The following GPSM1 variants were observed in gnomAD, a reference collection of about 807,000 sequenced individuals.
GPSM1 encodes the protein G protein signaling modulator 1, also known as G protein-signaling modulator 1.
A neutral mutation model predicts 70.5 loss-of-function variants in GPSM1; 48 were observed. That is an observed-to-expected ratio of 0.68 (90% CI 0.54 to 0.87). The LOEUF is 0.87. Among genes scored for constraint, GPSM1 ranks in the 40% least tolerant of loss-of-function variants. The pLI is 0.00. For missense variants in GPSM1, 981 were observed against 972.6 expected, an observed-to-expected ratio of 1.01 and a Z score of -0.11; for synonymous variants, 416 against 430.1, an observed-to-expected ratio of 0.97 and a Z score of 0.41.
Position 136,334,510 on chromosome 9 carries a change from C to T in GPSM1, c.132C>T (p.Phe44=). 1.9e-6 allele frequency: 3 copies of T among 1,613,348 alleles called. No individual in the cohort carries two copies. Among genetic ancestry groups the T allele is most frequent in the Non-Finnish European group, 2.5e-6 (3 of 1,179,966 alleles). The part of the protein sequence containing the change: ...EGERLCKAGD[F]KTGVAFFEAA... ...AGCGTCTGTGCAAGGCGGGCGACTT[C>T]AAGACAGGCGTGGCCTTCTTTGAGG... Residue 44 remains phenylalanine (F), a synonymous_variant, in exon 2 of 14, where the codon TTC becomes TTT. Coordinates refer to ENST00000440944, the MANE Select transcript of GPSM1 (RefSeq NM_001145638.3).
chr9:136,357,628 T>C (rs998106036), intron 13 of GPSM1, among the ~76,000 whole-genome samples: 23 of 152,200 alleles, frequency 1.5e-4, no homozygotes, highest in African/African-American at 5.1e-4. Flanking sequence ...GCTGTGCTGG[T>C]TTCCAGGGCT....
intron 11 of GPSM1, chr9:136,354,960 G>C: frequency 1.9e-6 from 2 of 1,045,368 alleles, no homozygotes; most frequent in Non-Finnish European, 2.3e-6. Context: ...GACGGACAGA[G>C]GCCTGGACTG....
At chr9:136,351,190 G>A (rs540710755) in intron 11 of GPSM1, among the ~76,000 whole-genome samples, 1 of 152,330 alleles carries the variant, frequency 6.6e-6, no homozygotes, top group South Asian at 2.1e-4. Context: ...GCAGGGCACA[G>A]CCTACCTTCC....
chr9:136,354,629 C>T (rs1554772665), intron 11 of GPSM1, among the ~76,000 whole-genome samples: 1 of 152,214 alleles, frequency 6.6e-6, no homozygotes, highest in African/African-American at 2.4e-5. Context: ...ACCCTTCAGC[C>T]CTGGGGCCCG....
chr9:136,335,315 C>T (rs1277928855), intron 2 of GPSM1, among the ~76,000 whole-genome samples: 5 of 152,156 alleles, frequency 3.3e-5, no homozygotes, highest in Non-Finnish European at 7.4e-5. Context: ...GCGTCATCCA[C>T]TCCCCAGTCT....
At chr9:136,328,918 C>A (rs150066540) in intron 1 of GPSM1, among the ~76,000 whole-genome samples, 1 of 152,134 alleles carries the variant, frequency 6.6e-6, no homozygotes, top group Admixed American at 6.5e-5. Context: ...TGCTCCAGGG[C>A]GGCCGTGCTG....
Position 136,358,226 on chromosome 9 carries a change from T to C in GPSM1, c.*6T>C, listed in dbSNP as rs1554773650. 6.5e-7 allele frequency: 1 copy of C among 1,539,538 alleles called. No homozygotes were observed. On this transcript the variant is annotated 3_prime_UTR_variant, in exon 14 of 14. Transcript: ENST00000440944. Reference sequence around the variant, plus strand: ...GCCAGCCTGGTGCGAGCTAAGGCCCTGTGCCCACCGCCAGGCCCACCCTGC... The same window carrying C: ...GCCAGCCTGGTGCGAGCTAAGGCCCCGTGCCCACCGCCAGGCCCACCCTGC...
At chr9:136,339,503 G>C (rs1832333736) in intron 7 of GPSM1, among the ~76,000 whole-genome samples, 2 of 152,254 alleles carry the variant, frequency 1.3e-5, no homozygotes, top group African/African-American at 4.8e-5. Context: ...AGCTGATTGG[G>C]GCTTATGCTT....
In GPSM1 at chr9:136,355,865, C is replaced by T. The variant is rs762661240; in HGVS notation, c.1612+19C>T. On this transcript the variant is annotated intron_variant, in intron 12 of 13. Coordinates refer to ENST00000440944, the MANE Select transcript of GPSM1 (RefSeq NM_001145638.3). ...AGGATCGGTGAGTGCCCCCCTCAGC[C>T]GGGCCCTCCCTTGGGCTTGTCTGCA... 22 of 1,589,652 alleles carry T rather than the reference C, an allele frequency of 1.4e-5. No homozygotes were observed. In the East Asian group the frequency reaches 2.7e-4, roughly 19 times the overall value.
intron 9 of GPSM1, among the ~76,000 whole-genome samples, chr9:136,345,653 A>G (rs1276939000): frequency 2.6e-5 from 4 of 152,002 alleles, no homozygotes; most frequent in Admixed American, 1.3e-4. Context: ...TTAGGCCCCC[A>G]TGGCACTGGG....
At chr9:136,333,164 C>T (rs1212313526) in intron 1 of GPSM1, among the ~76,000 whole-genome samples, 1 of 152,232 alleles carries the variant, frequency 6.6e-6, no homozygotes, top group Non-Finnish European at 1.5e-5. Context: ...GCTGTGCCTG[C>T]CACCTCCTGG....
At chr9:136,347,312 G>A (rs1277673272) in intron 9 of GPSM1, among the ~76,000 whole-genome samples, 2 of 152,142 alleles carry the variant, frequency 1.3e-5, no homozygotes, top group South Asian at 2.1e-4. Context: ...TTCTGGCCCC[G>A]CCCTCGGACT....
Position 136,340,937 on chromosome 9 carries a change from G to T in GPSM1, c.1151G>T (p.Arg384Leu), listed in dbSNP as rs782484426. Residue 384 changes from arginine (R) to leucine (L), a missense_variant, in exon 9 of 14, where the codon CGC (arginine) becomes CTC (leucine). By Grantham distance (102) the Arg-to-Leu change is moderately radical. Transcript: ENST00000440944. This position sits in a 1 kb window ranked among gnomAD's most constrained non-coding sequence, Gnocchi z 7.3. ...GCGCAGCTGCAGCTGGTGCTCGGCC[G>T]CCTGACCAGCCCGGCAGCCTCAGAG... Reference protein sequence around the residue: ...NVAQLQLVLGRLTSPAASEKP... With the variant: ...NVAQLQLVLGLLTSPAASEKP... The T allele has an allele frequency of 6.4e-7, 1 of 1,565,726 alleles. No individual in the cohort carries two copies. The highest frequency in any genetic ancestry group is 8.6e-7 in the Non-Finnish European group (1 of 1,156,258).
intron 13 of GPSM1, among the ~76,000 whole-genome samples, chr9:136,357,288 G>A (rs1405309047): frequency 6.6e-6 from 1 of 152,178 alleles, no homozygotes; most frequent in African/African-American, 2.4e-5. Context: ...GGCCCACCAC[G>A]AACCAAGCCA....
At chr9:136,338,054 C>T (rs1020999420) in intron 6 of GPSM1, 93 bp downstream of exon 6, 7 of 804,784 alleles carry the variant, frequency 8.7e-6, no homozygotes, top group African/African-American at 3.4e-5. Context: ...GGGAATCTGA[C>T]TGCCTCCCCT....
intron 12 of GPSM1, 34 bp from the exon 13 acceptor site, chr9:136,356,308 T>C (rs1554773122): frequency 2.7e-6 from 4 of 1,473,300 alleles, no homozygotes; most frequent in Non-Finnish European, 3.6e-6. Context: ...GACCCCGCAC[T>C]GGGTCCCAGG....
rs1482114605 is a variant in GPSM1, at chr9:136,359,404, G to A, written c.*1184G>A. ...GGGCCTGGTGAGGTGACCTGCTTCT[G>A]GAGGGGCAGGGCCGCACCCGAGAGC... is the stretch of plus-strand genomic sequence containing the variant. On this transcript the variant is annotated 3_prime_UTR_variant, in exon 14 of 14. Transcript: ENST00000440944. 6.6e-6 allele frequency: 1 copy of A among 152,158 alleles called. No individual in the cohort carries two copies. The highest frequency in any genetic ancestry group is 1.5e-5 in the Non-Finnish European group (1 of 68,006). 9.4% of individuals were successfully genotyped at this position (152,158 alleles called of 1,614,324 possible). A position where few individuals can be genotyped will look rare whatever the true frequency, so the allele number is the denominator to read the frequency against.
At chr9:136,338,066 C>G in intron 6 of GPSM1, 105 bp downstream of exon 6, 1 of 737,304 alleles carries the variant, frequency 1.4e-6, no homozygotes, top group Middle Eastern at 2.7e-4. Flanking sequence ...GCCTCCCCTC[C>G]CCTCCCCAGA....
Position 136,343,428 on chromosome 9 carries a change from G to A in GPSM1, c.1207+2435G>A, listed in dbSNP as rs570375638. Among the ~76,000 whole-genome samples the A allele has an allele frequency of 6.6e-5, 10 of 152,340 alleles. No homozygotes were observed. The highest frequency in any genetic ancestry group is 1.9e-4 in the East Asian group (1 of 5,186). ...GCCCTGCCTGTCCCACAGGATGTGC[G>A]ACTGCCCTCGGCCCTGCTGACCGTA... is the stretch of plus-strand genomic sequence containing the variant. On this transcript the variant is annotated intron_variant, in intron 9 of 13. Coordinates refer to ENST00000440944, the MANE Select transcript of GPSM1 (RefSeq NM_001145638.3). The surrounding 1 kb of genome is among the most constrained non-coding windows in gnomAD (Gnocchi z 6.0).
Sources: allele counts gnomAD v4.1 joint callset (sites outside exome capture counted in the v4.1 genomes callset), GRCh38; gene constraint gnomAD v4.1.1; non-coding constraint Gnocchi (gnomAD v3.1); transcripts MANE v1.5; gene names NCBI Gene and HGNC (gene_info 2026-07-23, HGNC 2026-07-21).